The following IZUMO2 variants were observed in gnomAD, a reference collection of about 807,000 sequenced individuals.
The protein encoded by IZUMO2 is izumo sperm-egg fusion protein 2.
IZUMO2 carries 24 observed loss-of-function variants against 31.2 expected under a neutral mutation model. The observed-to-expected ratio is 0.77, with a 90% CI of 0.56 to 1.08. The LOEUF (loss-of-function observed/expected upper bound fraction) is 1.08. Among genes scored for constraint, IZUMO2 ranks in the 50% least tolerant of loss-of-function variants. The pLI is 0.00. For missense variants in IZUMO2, 278 were observed against 274.0 expected (o/e 1.01, Z -0.10); for synonymous variants, 144 against 117.3 (o/e 1.23, Z -1.47).
Position 50,163,003 on chromosome 19 carries a change from G to A in IZUMO2, c.192C>T (p.Phe64=). The A allele has an allele frequency of 5.6e-6, 9 of 1,611,492 alleles. No homozygotes were observed. The highest frequency in any genetic ancestry group is 7.6e-6 in the Non-Finnish European group (9 of 1,178,594). ...ACACGTTCAGCGCGTAGTCCCGGAA[G>A]AAAGGCCCCTCCATGCCCATCAGCA... ...GAVLMGMEGP[F]FRDYALNVFV... Residue 64 remains phenylalanine, a synonymous_variant, in exon 1 of 7, where the codon TTC becomes TTT. Coordinates refer to ENST00000293405, the MANE Select transcript of IZUMO2 (RefSeq NM_152358.3).
chr19:50,162,701 G>C lies in IZUMO2; in HGVS notation c.307+38C>G, dbSNP rs369772961. On this transcript the variant is annotated intron_variant, in intron 2 of 6. Transcript: ENST00000293405. Reference sequence around the variant, plus strand: ...AGGTGGGGCAGACCGGCGGAAAGAAGAGGGGTGCTGGAGAAGGCGTTCCCT... The same window carrying C: ...AGGTGGGGCAGACCGGCGGAAAGAACAGGGGTGCTGGAGAAGGCGTTCCCT... The C allele has an allele frequency of 1.2e-5, 19 of 1,526,470 alleles. No homozygotes were observed. The African/African-American group carries it at 2.6e-4, about 21-fold the overall frequency. 94.6% of individuals were successfully genotyped at this position (1,526,470 alleles called of 1,614,324 possible). A position where few individuals can be genotyped will look rare whatever the true frequency, so the allele number is the denominator to read the frequency against.
At chr19:50,161,059 T>C (rs1304525075) in intron 2 of IZUMO2, among the ~76,000 whole-genome samples, 1 of 152,104 alleles carries the variant, frequency 6.6e-6, no homozygotes, top group African/African-American at 2.4e-5. Flanking sequence ...AGTAAATAGA[T>C]GTGTCATGAT....
intron 6 of IZUMO2, among the ~76,000 whole-genome samples, chr19:50,154,181 A>G (rs975565299): frequency 1.3e-5 from 2 of 149,672 alleles, no homozygotes; most frequent in Non-Finnish European, 3.0e-5. Context: ...AACAGTAATT[A>G]TGATGATGCA....
chr19:50,162,605 T>C (rs1487227837), intron 2 of IZUMO2, 134 bp downstream of exon 2: 28 of 715,216 alleles, frequency 3.9e-5, no homozygotes, highest in Non-Finnish European at 5.7e-5. Context: ...ACAGTGAGGC[T>C]CTGTCTCTTA....
In IZUMO2 at chr19:50,154,264, G is replaced by GTTTTTTTGTTTTTTTTTTTTTTTTTTTTT. The variant is rs2030129784; in HGVS notation, c.623+335_623+336insAAAAAAAAAAAAAAAAAAAAACAAAAAAA. 2.5e-5 allele frequency among the ~76,000 whole-genome samples: 2 copies of GTTTTTTTGTTTTTTTTTTTTTTTTTTTTT among 79,280 alleles called. 1 individual carries two copies. Among genetic ancestry groups the GTTTTTTTGTTTTTTTTTTTTTTTTTTTTT allele is most frequent in the African/African-American group, 9.3e-5 (2 of 21,566 alleles). 52.0% of individuals were successfully genotyped at this position (79,280 alleles called of 152,430 possible). A position where few individuals can be genotyped will look rare whatever the true frequency, so the allele number is the denominator to read the frequency against. On this transcript the variant is annotated intron_variant, in intron 6 of 6. Coordinates refer to ENST00000293405, the MANE Select transcript of IZUMO2 (RefSeq NM_152358.3). ...GCATCCACCAAATATAACTTTTAGCGTTTTTTTTTTTTTTTTTTTTTTTTT... is the reference window on the plus strand; with the variant it reads ...GCATCCACCAAATATAACTTTTAGCGTTTTTTTGTTTTTTTTTTTTTTTTTTTTTTTTTTTTTTTTTTTTTTTTTTTTTT...
Position 50,159,230 on chromosome 19 carries a change from G to C in IZUMO2, c.415C>G (p.Arg139Gly), listed in dbSNP as rs3745498. 1.2e-6 allele frequency: 2 copies of C among 1,610,892 alleles called. No individual in the cohort carries two copies. Among genetic ancestry groups the C allele is most frequent in the African/African-American group, 1.3e-5 (1 of 75,014 alleles). ...GAGAGATAGACGATCCAGAACTCAC[G>C]GCAAAGTTTGGGGTTGCAGGCTGCA... ...ELKACNPKLCRLLKEEVLDCL... is the reference protein window; with the variant it reads ...ELKACNPKLCGLLKEEVLDCL... Residue 139 changes from arginine to glycine, a missense_variant and splice_region_variant, in exon 4 of 7, where the codon CGC (arginine) becomes GGC (glycine). Physicochemically the swap from Arg to Gly is moderately radical, Grantham distance 125 (BLOSUM62 -2). Transcript: ENST00000293405.
chr19:50,154,272 T>G (rs1290836), intron 6 of IZUMO2, among the ~76,000 whole-genome samples: 22,166 of 45,438 alleles, frequency 0.49, 4,276 homozygotes, highest in East Asian at 0.55. Flanking sequence ...GCGTTTTTTT[T>G]TTTTTTTTTT....
chr19:50,158,155 G>A (rs544801731), intron 5 of IZUMO2, 113 bp downstream of exon 5: 128 of 604,268 alleles, frequency 2.1e-4, no homozygotes, highest in South Asian at 1.3e-3. Flanking sequence ...CAAATGGTTA[G>A]GGCAGGATTC....
chr19:50,155,404 C>CA (rs2030181280), intron 5 of IZUMO2, among the ~76,000 whole-genome samples: 1 of 152,258 alleles, frequency 6.6e-6, no homozygotes, highest in Admixed American at 6.5e-5. Context: ...TCTCAGAAAA[C>CA]AAAACAAAAC....
intron 4 of IZUMO2, among the ~76,000 whole-genome samples, chr19:50,158,742 G>A (rs956126157): frequency 4.6e-5 from 7 of 152,158 alleles, no homozygotes; most frequent in African/African-American, 1.4e-4. Flanking sequence ...GTGCCTTTCA[G>A]TAAACTGTGA....
At chr19:50,155,380 G>A (rs1033923304) in intron 5 of IZUMO2, among the ~76,000 whole-genome samples, 8 of 152,258 alleles carry the variant, frequency 5.3e-5, no homozygotes, top group South Asian at 2.1e-4. Flanking sequence ...CCTGGGGGAC[G>A]GAGCAAGACC....
chr19:50,154,266 T>G lies in IZUMO2; in HGVS notation c.623+334A>C, dbSNP rs1328078159. ...ATCCACCAAATATAACTTTTAGCGTTTTTTTTTTTTTTTTTTTTTTTTTTT... is the reference window on the plus strand; with the variant it reads ...ATCCACCAAATATAACTTTTAGCGTGTTTTTTTTTTTTTTTTTTTTTTTTT... On this transcript the variant is annotated intron_variant, in intron 6 of 6. Transcript: ENST00000293405. Among the ~76,000 whole-genome samples the G allele has an allele frequency of 4.1e-3, 43 of 10,474 alleles. 3 individuals are homozygous for G. The highest frequency in any genetic ancestry group is 0.028 in the African/African-American group (38 of 1,342). 6.9% of individuals were successfully genotyped at this position (10,474 alleles called of 152,430 possible).
In IZUMO2 at chr19:50,162,951, C is replaced by G. The variant is rs1354394681; in HGVS notation, c.232+12G>C. On this transcript the variant is annotated intron_variant, in intron 1 of 6. Transcript: ENST00000293405. ...CGCCCAGCCCCGCTGCCCAATTTCT[C>G]CCAACACGCACCCACTTTCCCCACA... 6.2e-7 allele frequency: 1 copy of G among 1,613,518 alleles called. No homozygotes were observed. Among genetic ancestry groups the G allele is most frequent in the Admixed American group, 1.7e-5 (1 of 59,862 alleles).
chr19:50,152,777 C>A, intron 6 of IZUMO2, 126 bp from the exon 7 acceptor site: 1 of 803,394 alleles, frequency 1.2e-6, no homozygotes, highest in Non-Finnish European at 2.1e-6. Flanking sequence ...CATCCAGTGA[C>A]GTCATGGGCA....
At chr19:50,157,302 CTTTTTTTT>C (rs59138628) in intron 5 of IZUMO2, among the ~76,000 whole-genome samples, 1 of 108,800 alleles carries the variant, frequency 9.2e-6, no homozygotes, top group Non-Finnish European at 1.9e-5. Context: ...ATTCATTATA[CTTTTTTTT>C]TTTTTTTTTT....
At position 50,152,735 on chromosome 19, in the gene IZUMO2, AACTTTCCT is replaced by A; in HGVS notation, c.624-92_624-85del. On this transcript the variant is annotated intron_variant, in intron 6 of 6. Transcript: ENST00000293405. ...AGAGACCCATAACTTCCCTCCCCAT[AACTTTCCT>A]ACAATCTTTGGCCTGATTTGGCTCA... The A allele has an allele frequency of 2.6e-6, 3 of 1,174,010 alleles. No homozygotes were observed. In the South Asian group the frequency reaches 3.7e-5, roughly 14 times the overall value. 72.7% of individuals were successfully genotyped at this position (1,174,010 alleles called of 1,614,324 possible). A position where few individuals can be genotyped will look rare whatever the true frequency, so the allele number is the denominator to read the frequency against.
At chr19:50,161,022 T>C (rs532293486) in intron 2 of IZUMO2, among the ~76,000 whole-genome samples, 60 of 152,172 alleles carry the variant, frequency 3.9e-4, no homozygotes, top group Non-Finnish European at 1.0e-4. Flanking sequence ...CCAGACCTAC[T>C]CCCAACCTCC....
At chr19:50,154,575 T>C (rs376223447) in intron 6 of IZUMO2, 25 bp downstream of exon 6, 6 of 1,612,964 alleles carry the variant, frequency 3.7e-6, no homozygotes, top group Non-Finnish European at 5.1e-6. Flanking sequence ...CACGGGGGAC[T>C]GAGGAGGGGG....
chr19:50,159,193 G>T, intron 4 of IZUMO2, 37 bp downstream of exon 4: 7 of 1,602,736 alleles, frequency 4.4e-6, no homozygotes, highest in Non-Finnish European at 6.0e-6. Context: ...GGGGTTAGGA[G>T]GGTAGAGAAG....
Sources: gnomAD v4.1 joint callset for allele counts (sites outside exome capture counted in the v4.1 genomes callset) on GRCh38, gnomAD v4.1.1 for gene constraint, MANE v1.5 for transcripts, NCBI Gene and HGNC (gene_info 2026-07-23, HGNC 2026-07-21) for gene names.